The following B4GALNT2 variants were observed in gnomAD, a reference collection of about 807,000 sequenced individuals.
B4GALNT2 encodes the protein beta-1,4-N-acetyl-galactosaminyltransferase 2 (SID blood group), also known as N-acetylneuraminylgalactosylglucosyl-glucoside beta-1,4-N- acetylgalactosaminyltransferase 2.
Under a neutral mutation model 51.1 loss-of-function variants are expected in B4GALNT2, and 42 were observed. The observed-to-expected ratio is 0.82, with a 90% CI of 0.64 to 1.06. The LOEUF (loss-of-function observed/expected upper bound fraction) is 1.06, where lower values mean the gene tolerates loss of function less well. B4GALNT2 is among the 50% of genes least tolerant of loss of function. B4GALNT2 has a pLI of 0.00. For synonymous variants in B4GALNT2, 253 were observed against 251.7 expected (o/e 1.01, Z -0.05); for missense variants, 602 against 633.6 (o/e 0.95, Z 0.54).
chr17:49,171,386 T>G lies in B4GALNT2; in HGVS notation c.*1658T>G. ...CTTCAAGCACTCCAGTTCCTGGCATTAAGGTCAAGTGTGCCTGGGATGCTT... is the reference window on the plus strand; with the variant it reads ...CTTCAAGCACTCCAGTTCCTGGCATGAAGGTCAAGTGTGCCTGGGATGCTT... On this transcript the variant is annotated 3_prime_UTR_variant, in exon 11 of 11. Transcript: ENST00000393354. 1 of 437,520 alleles carries G rather than the reference T, an allele frequency of 2.3e-6. No individual in the cohort carries two copies. Among genetic ancestry groups the G allele is most frequent in the South Asian group, 1.6e-5 (1 of 60,686 alleles). 27.1% of individuals were successfully genotyped at this position (437,520 alleles called of 1,614,324 possible). A position where few individuals can be genotyped will look rare whatever the true frequency, so the allele number is the denominator to read the frequency against.
chr17:49,142,907 C>A lies in B4GALNT2; in HGVS notation c.353+735C>A, dbSNP rs7213384. ...GAGTGTATCCCTTTGTTTTAAATTA[C>A]AAGGGGTGTCAACACTCAGGTGTAT... On this transcript the variant is annotated intron_variant, in intron 3 of 10. Transcript: ENST00000393354. Among the ~76,000 whole-genome samples the A allele has an allele frequency of 5.9e-5, 9 of 152,090 alleles. No homozygotes were observed. The South Asian group carries it at 1.9e-3, about 32-fold the overall frequency.
upstream of B4GALNT2, among the ~76,000 whole-genome samples, chr17:49,129,947 G>A (rs1219367773): frequency 6.6e-6 from 1 of 152,220 alleles, no homozygotes; most frequent in Non-Finnish European, 1.5e-5. Flanking sequence ...CCAAGATGGT[G>A]ATGCTCCTGT....
At chr17:49,138,431 A>G (rs537643956) in intron 1 of B4GALNT2, among the ~76,000 whole-genome samples, 1 of 152,312 alleles carries the variant, frequency 6.6e-6, no homozygotes, top group African/African-American at 2.4e-5. Context: ...TGCTTTCATT[A>G]TGTTTTCTGA....
upstream of B4GALNT2, among the ~76,000 whole-genome samples, chr17:49,129,793 G>A (rs546379488): frequency 8.9e-4 from 136 of 152,292 alleles, no homozygotes; most frequent in African/African-American, 3.1e-3. Flanking sequence ...TCTGGTTGGG[G>A]AGGGATTTAT....
chr17:49,174,813 T>TTGTCTTTCCGCTTGACAAA lies in B4GALNT2; in HGVS notation c.*5085_*5086insTGTCTTTCCGCTTGACAAA. 1 of 152,322 alleles carries TTGTCTTTCCGCTTGACAAA rather than the reference T, an allele frequency of 6.6e-6. No individual in the cohort carries two copies. The highest frequency in any genetic ancestry group is 1.9e-4 in the East Asian group (1 of 5,192). The allele number at this position is 152,322 out of a possible 1,614,324, so 9.4% of individuals were successfully genotyped here. ...CCATCAAAAATGATATCCTAAACCT[T>TTGTCTTTCCGCTTGACAAA]GGCAGGAACTTTGTCTTTCCGCTTG... On this transcript the variant is annotated 3_prime_UTR_variant, in exon 11 of 11. Transcript: ENST00000393354.
Position 49,170,470 on chromosome 17 carries a change from C to T in B4GALNT2, c.*742C>T, listed in dbSNP as rs573898693. On this transcript the variant is annotated 3_prime_UTR_variant, in exon 11 of 11. Coordinates refer to ENST00000393354, the MANE Select transcript of B4GALNT2 (RefSeq NM_001159387.2). Reference sequence around the variant, plus strand: ...GTTCCAGAATGCCAGGGATTGAACTCAGAGCCCATGCCAAGGCATGATGGT... The same window carrying T: ...GTTCCAGAATGCCAGGGATTGAACTTAGAGCCCATGCCAAGGCATGATGGT... The T allele has an allele frequency of 1.4e-4, 22 of 152,438 alleles. No homozygotes were observed. The highest frequency in any genetic ancestry group is 5.3e-4 in the African/African-American group (22 of 41,590). 9.4% of individuals were successfully genotyped at this position (152,438 alleles called of 1,614,324 possible).
upstream of B4GALNT2, among the ~76,000 whole-genome samples, chr17:49,128,561 T>C (rs2042522008): frequency 1.3e-5 from 2 of 151,998 alleles, no homozygotes; most frequent in South Asian, 4.2e-4. Context: ...ACAGAGAGGG[T>C]CGGGATCTAA....
chr17:49,142,700 G>GCAAAAA (rs72099584), intron 3 of B4GALNT2, among the ~76,000 whole-genome samples: 21 of 151,040 alleles, frequency 1.4e-4, no homozygotes, highest in South Asian at 6.3e-4. Flanking sequence ...TCCAACAAAA[G>GCAAAAA]CAAAAACAAA....
In B4GALNT2 at chr17:49,134,043, A is replaced by G. The variant is rs536469797; in HGVS notation, c.14+1237A>G. ...ATCCACGTCCTTGGCTAAGGCTTTC[A>G]TTCCAGCGTTCCCCTTCCCCAACTT... On this transcript the variant is annotated intron_variant, in intron 1 of 10. Coordinates refer to ENST00000393354, the MANE Select transcript of B4GALNT2 (RefSeq NM_001159387.2). Among the ~76,000 whole-genome samples the G allele has an allele frequency of 2.6e-5, 4 of 152,320 alleles. No homozygotes were observed. The East Asian group carries it at 7.7e-4, about 29-fold the overall frequency.
rs558393827 is a variant in B4GALNT2, at chr17:49,171,322, A to G, written c.*1594A>G. 4 of 386,796 alleles carry G rather than the reference A, an allele frequency of 1.0e-5. No homozygotes were observed. The highest frequency in any genetic ancestry group is 1.9e-5 in the Non-Finnish European group (4 of 205,248). The allele number at this position is 386,796 out of a possible 1,614,324, so 24.0% of individuals were successfully genotyped here. On this transcript the variant is annotated 3_prime_UTR_variant, in exon 11 of 11. Coordinates refer to ENST00000393354, the MANE Select transcript of B4GALNT2 (RefSeq NM_001159387.2). Reference sequence around the variant, plus strand: ...ACAGAGCTTCCAAGTGTCTTTATCCACTTTAATGGGTTAATATCTGCTAAT... The same window carrying G: ...ACAGAGCTTCCAAGTGTCTTTATCCGCTTTAATGGGTTAATATCTGCTAAT...
chr17:49,144,980 T>C (rs1448113409), intron 3 of B4GALNT2, among the ~76,000 whole-genome samples: 1 of 152,126 alleles, frequency 6.6e-6, no homozygotes, highest in African/African-American at 2.4e-5. Context: ...ATCTCATTGC[T>C]TCACGTTTTT....
At chr17:49,132,129 A>C (rs1168600074), upstream of B4GALNT2, among the ~76,000 whole-genome samples, 1 of 152,200 alleles carries the variant, frequency 6.6e-6, no homozygotes, top group Non-Finnish European at 1.5e-5. Flanking sequence ...ACAGTTTCAA[A>C]AAATAAATTC....
At chr17:49,155,741 T>C (rs568797817) in intron 4 of B4GALNT2, among the ~76,000 whole-genome samples, 1 of 151,464 alleles carries the variant, frequency 6.6e-6, no homozygotes, top group Non-Finnish European at 1.5e-5. Flanking sequence ...TTTTGTTTTT[T>C]GAGACGCAGT....
rs1288849462 is a variant in B4GALNT2 at position 49,176,625 on chromosome 17, T to A, written c.*6897T>A. 1 of 152,214 alleles carries A rather than the reference T, an allele frequency of 6.6e-6. No homozygotes were observed. Among genetic ancestry groups the A allele is most frequent in the South Asian group, 2.1e-4 (1 of 4,830 alleles). 9.4% of individuals were successfully genotyped at this position (152,214 alleles called of 1,614,324 possible). A position where few individuals can be genotyped will look rare whatever the true frequency, so the allele number is the denominator to read the frequency against. The stretch of plus-strand genomic sequence containing the variant: ...GTGCATCATGGCCATCATGAACATG[T>A]CACAGTGCTGCAGAGATTTTATTTA... On this transcript the variant is annotated 3_prime_UTR_variant, in exon 11 of 11. Coordinates refer to ENST00000393354, the MANE Select transcript of B4GALNT2 (RefSeq NM_001159387.2).
intron 7 of B4GALNT2, among the ~76,000 whole-genome samples, chr17:49,163,049 T>C (rs774923402): frequency 1.3e-5 from 2 of 151,676 alleles, no homozygotes; most frequent in African/African-American, 4.8e-5. Flanking sequence ...ACAGGTAGGG[T>C]TGTGGCTTCC....
At position 49,168,865 on chromosome 17, in the gene B4GALNT2, G is replaced by A. The variant is rs759482767; in HGVS notation, c.1280G>A (p.Gly427Asp). Residue 427 changes from glycine to aspartate, a missense_variant, in exon 10 of 11, where the codon GGC (glycine) becomes GAC (aspartate). By Grantham distance (94) the Gly-to-Asp change is moderately conservative. Coordinates refer to ENST00000393354, the MANE Select transcript of B4GALNT2 (RefSeq NM_001159387.2). The stretch of plus-strand genomic sequence containing the variant: ...CACACGGAGCGACTCCAAAGAGTTG[G>A]CTTTGATCCCCGCCTGCAACGAGTG... ...LAHTERLQRV[G>D]FDPRLQRVAH... is the part of the protein sequence containing the mutation. 6.2e-7 allele frequency: 1 copy of A among 1,613,074 alleles called. No homozygotes were observed. Among genetic ancestry groups the A allele is most frequent in the Non-Finnish European group, 8.5e-7 (1 of 1,179,978 alleles).
At chr17:49,147,849 A>ATATATG (rs1555611104) in intron 3 of B4GALNT2, among the ~76,000 whole-genome samples, 211 of 149,138 alleles carry the variant, frequency 1.4e-3, no homozygotes, top group African/African-American at 4.7e-3. Flanking sequence ...TTATATATAT[A>ATATATG]TGTGTGTGTG....
chr17:49,150,075 G>T (rs574272385), intron 3 of B4GALNT2, among the ~76,000 whole-genome samples: 10 of 152,280 alleles, frequency 6.6e-5, no homozygotes, highest in South Asian at 2.1e-4. Context: ...AGGTCGGGGG[G>T]GGTCAGCCCC....
At chr17:49,157,389 CTGCT>C in intron 5 of B4GALNT2, among the ~76,000 whole-genome samples, 1 of 109,452 alleles carries the variant, frequency 9.1e-6, no homozygotes, top group Non-Finnish European at 1.9e-5. Flanking sequence ...GGTGCAATCT[CTGCT>C]CACTGCAACC....
Sources: gnomAD v4.1 joint callset for allele counts (sites outside exome capture counted in the v4.1 genomes callset) on GRCh38, gnomAD v4.1.1 for gene constraint, MANE v1.5 for transcripts, NCBI Gene and HGNC (gene_info 2026-07-23, HGNC 2026-07-21) for gene names.